Variants in ERBB4 observed in about 807,000 individuals in gnomAD.
ERBB4 encodes erb-b2 receptor tyrosine kinase 4.
ERBB4 carries 42 observed loss-of-function variants against 158.0 expected under a neutral mutation model. The observed-to-expected ratio is 0.27, with a 90% confidence interval of 0.21 to 0.34. The LOEUF (loss-of-function observed/expected upper bound fraction) is 0.34. ERBB4 is among the 10% of genes least tolerant of loss of function. ERBB4 has a pLI of 1.00. For synonymous variants in ERBB4, 583 were observed against 558.7 expected (o/e 1.04, Z -0.61); for missense variants, 1,333 against 1,624.1 (o/e 0.82, Z 3.08).
chr2:211,754,322 G>A (rs2106220166), intron 4 of ERBB4, among the ~76,000 whole-genome samples: 2 of 152,248 alleles, frequency 1.3e-5, no homozygotes, highest in Middle Eastern at 6.8e-3. Flanking sequence ...CAGTGTTTAG[G>A]GGTTTTGCCA....
intron 19 of ERBB4, among the ~76,000 whole-genome samples, chr2:211,569,376 G>C (rs1447026580): frequency 2.0e-5 from 3 of 152,126 alleles, no homozygotes; most frequent in African/African-American, 7.2e-5. Flanking sequence ...TTGAGAACTT[G>C]CTAGGTGCCT....
chr2:211,441,541 CTTTCTTGTTTTTGT>C (rs1689621514), intron 20 of ERBB4, among the ~76,000 whole-genome samples: 1 of 152,058 alleles, frequency 6.6e-6, no homozygotes, highest in Non-Finnish European at 1.5e-5. Flanking sequence ...CATGGATAAT[CTTTCTTGTTTTTGT>C]TTGTTTGTTT....
At chr2:211,416,938 G>A (rs1207158232) in intron 25 of ERBB4, among the ~76,000 whole-genome samples, 1 of 151,116 alleles carries the variant, frequency 6.6e-6, no homozygotes, top group Non-Finnish European at 1.5e-5. Context: ...AATACTCTTT[G>A]CTTTTTTCGT....
intron 20 of ERBB4, among the ~76,000 whole-genome samples, chr2:211,504,059 C>T (rs1361738195): frequency 1.3e-5 from 2 of 152,102 alleles, no homozygotes; most frequent in Non-Finnish European, 2.9e-5. Context: ...GCTGGGAGGT[C>T]AAACTGCAGG....
intron 19 of ERBB4, among the ~76,000 whole-genome samples, chr2:211,602,907 C>A (rs968792208): frequency 3.3e-5 from 5 of 152,134 alleles, no homozygotes; most frequent in African/African-American, 7.2e-5. Flanking sequence ...CCCATCCAGA[C>A]TGCAGCATGA....
chr2:212,065,722 T>A (rs1033764419), intron 2 of ERBB4, among the ~76,000 whole-genome samples: 2 of 152,080 alleles, frequency 1.3e-5, no homozygotes, highest in African/African-American at 4.8e-5. Context: ...CCCTCTGGGA[T>A]ATCAAGGTCA....
At chr2:211,799,618 T>C (rs2076455932) in intron 3 of ERBB4, among the ~76,000 whole-genome samples, 2 of 152,152 alleles carry the variant, frequency 1.3e-5, no homozygotes, top group African/African-American at 4.8e-5. Context: ...TATGAGATAA[T>C]TTTTGTAGGT....
intron 1 of ERBB4, among the ~76,000 whole-genome samples, chr2:212,484,126 G>A (rs1296206608): frequency 6.6e-6 from 1 of 151,662 alleles, no homozygotes; most frequent in Non-Finnish European, 1.5e-5. Context: ...GTATTTCAAT[G>A]AAAAAAAAGC....
intron 2 of ERBB4, among the ~76,000 whole-genome samples, chr2:211,992,585 G>T (rs1301428412): frequency 7.0e-6 from 1 of 142,188 alleles, no homozygotes; most frequent in Non-Finnish European, 1.6e-5. Context: ...AAAAAAACAT[G>T]AGTTTGTCAG....
At chr2:211,942,330 TTTTATTTATTTATTTA>T (rs200095181) in intron 3 of ERBB4, among the ~76,000 whole-genome samples, 11 of 145,740 alleles carry the variant, frequency 7.5e-5, no homozygotes, top group South Asian at 2.2e-4. Flanking sequence ...GGATGAAGCA[TTTTATTTATTTATTTA>T]TTTATTTATT....
intron 2 of ERBB4, among the ~76,000 whole-genome samples, chr2:211,948,687 T>A (rs2080780732): frequency 2.0e-5 from 3 of 151,850 alleles, no homozygotes; most frequent in Admixed American, 2.0e-4. Context: ...ATAAAAAAAA[T>A]ACTCAAGTAT....
At chr2:211,919,354 T>G (rs1027070508) in intron 3 of ERBB4, among the ~76,000 whole-genome samples, 1 of 152,062 alleles carries the variant, frequency 6.6e-6, no homozygotes, top group Non-Finnish European at 1.5e-5. Flanking sequence ...TTTATACACT[T>G]TATACAAAAT....
Position 211,646,242 on chromosome 2 carries a change from T to C in ERBB4, c.1946+11512A>G, listed in dbSNP as rs186690572. Among the ~76,000 whole-genome samples the C allele has an allele frequency of 7.7e-4, 117 of 151,678 alleles. 1 individual carries two copies. Among genetic ancestry groups the C allele is most frequent in the South Asian group, 2.1e-4 (1 of 4,826 alleles). On this transcript the variant is annotated intron_variant, in intron 16 of 27. Transcript: ENST00000342788. Reference sequence around the variant, plus strand: ...ACATAACATATACATTTCTATTTAATACTCTAAGCATGTATTACTTTTGTA... The same window carrying C: ...ACATAACATATACATTTCTATTTAACACTCTAAGCATGTATTACTTTTGTA...
chr2:212,227,822 T>G (rs779555564), intron 1 of ERBB4, among the ~76,000 whole-genome samples: 1 of 150,782 alleles, frequency 6.6e-6, no homozygotes, highest in Non-Finnish European at 1.5e-5. Context: ...TACTGTCCAG[T>G]ATAAAAAAAA....
intron 15 of ERBB4, among the ~76,000 whole-genome samples, chr2:211,662,133 A>G (rs1428262041): frequency 6.6e-6 from 1 of 150,954 alleles, no homozygotes; most frequent in Non-Finnish European, 1.5e-5. Context: ...TTCTAATATC[A>G]ACAAAAACAT....
chr2:211,839,805 C>T (rs1201725018), intron 3 of ERBB4, among the ~76,000 whole-genome samples: 1 of 151,836 alleles, frequency 6.6e-6, no homozygotes, highest in Non-Finnish European at 1.5e-5. Flanking sequence ...TGCCAATGGT[C>T]TCCAAGATGG....
intron 25 of ERBB4, 90 bp downstream of exon 25, chr2:211,420,351 A>G (rs2063488401): frequency 2.2e-6 from 2 of 906,868 alleles, no homozygotes; most frequent in Non-Finnish European, 3.5e-6. Context: ...TTTGAGCTAT[A>G]TAATTATTTT....
At chr2:212,433,330 C>G (rs866965719) in intron 1 of ERBB4, among the ~76,000 whole-genome samples, 4 of 151,904 alleles carry the variant, frequency 2.6e-5, no homozygotes, top group Admixed American at 1.3e-4. Context: ...AGAAAATTTT[C>G]TTTTTACCTT....
chr2:211,940,365 A>G (rs1390077832), intron 3 of ERBB4, among the ~76,000 whole-genome samples: 1 of 152,164 alleles, frequency 6.6e-6, no homozygotes, highest in Non-Finnish European at 1.5e-5. Context: ...AAAGCAAACA[A>G]GCATGCTTCC....
Sources: gnomAD v4.1 joint callset for allele counts (sites outside exome capture counted in the v4.1 genomes callset) on GRCh38, gnomAD v4.1.1 for gene constraint, MANE v1.5 for transcripts, NCBI Gene and HGNC (gene_info 2026-07-23, HGNC 2026-07-21) for gene names.